Variants in GFOD1 observed in about 807,000 individuals in gnomAD.
GFOD1 encodes Gfo/Idh/MocA-like oxidoreductase domain containing 1.
Under a neutral mutation model 25.4 loss-of-function variants are expected in GFOD1, and 9 were observed. The observed-to-expected ratio is 0.35, with a 90% CI of 0.21 to 0.62. The LOEUF (loss-of-function observed/expected upper bound fraction) is 0.62. Among genes scored for constraint, GFOD1 ranks in the 20% least tolerant of loss-of-function variants. The pLI is 0.72. For synonymous variants in GFOD1, 253 were observed against 245.6 expected (o/e 1.03, Z -0.28); for missense variants, 403 against 556.9 (o/e 0.72, Z 2.78).
At position 13,364,414 on chromosome 6, in the gene GFOD1, G is replaced by T. The variant is rs776294951; in HGVS notation, c.*329C>A. On this transcript the variant is annotated 3_prime_UTR_variant, in exon 2 of 2. Coordinates refer to ENST00000379287, the MANE Select transcript of GFOD1 (RefSeq NM_018988.4). The surrounding 1 kb of genome is among the most constrained non-coding windows in gnomAD (Gnocchi z 4.1). ...CAAGGTGTGTGGGATGGATGAGGTA[G>T]GGAGGGAAGCAACCCCTCCTTGCTT... The T allele has an allele frequency of 1.9e-5, 6 of 312,838 alleles. No homozygotes were observed. Among genetic ancestry groups the T allele is most frequent in the South Asian group, 5.0e-5 (1 of 19,886 alleles). The allele number at this position is 312,838 out of a possible 1,614,324, so 19.4% of individuals were successfully genotyped here.
chr6:13,383,034 G>A (rs556326714), intron 1 of GFOD1, among the ~76,000 whole-genome samples: 5 of 152,336 alleles, frequency 3.3e-5, no homozygotes, highest in African/African-American at 1.2e-4. Flanking sequence ...ATTCGAAGGT[G>A]TATATGTACC....
In GFOD1 at chr6:13,437,867, A is replaced by T. The variant is rs74336680; in HGVS notation, c.253+48771T>A. Among the ~76,000 whole-genome samples, 1,130 of 152,374 alleles carry T rather than the reference A, an allele frequency of 7.4e-3. 14 individuals carry two copies. The highest frequency in any genetic ancestry group is 0.026 in the African/African-American group (1,078 of 41,600). On this transcript the variant is annotated intron_variant, in intron 1 of 1. Transcript: ENST00000379287. ...TTTACTCATTCTTTGTTCAGCAAAC[A>T]TCTATTTCAGCTATGCTGTGCTGGG...
chr6:13,375,052 C>T (rs61533038), intron 1 of GFOD1, among the ~76,000 whole-genome samples: 4,252 of 152,212 alleles, frequency 0.028, 159 homozygotes, highest in African/African-American at 0.09. Flanking sequence ...CCAAAGAAAT[C>T]AAATCTTTAT....
chr6:13,455,582 AGCCCACCAGACGCCCTGCTACT>A (rs1758174071), intron 1 of GFOD1, among the ~76,000 whole-genome samples: 2 of 152,232 alleles, frequency 1.3e-5, no homozygotes, highest in Non-Finnish European at 2.9e-5. Context: ...CCAAAACGGT[AGCCCACCAGACGCCCTGCTACT>A]GCCTGTCAGC....
rs767073727 is a variant in GFOD1, at chr6:13,470,649, A to G, written c.253+15989T>C. ...CCTGGTTCTGTTGGAAAGGGAGAAG[A>G]GACAGAGAAGAGGAACACATCTCAT... On this transcript the variant is annotated intron_variant, in intron 1 of 1. Coordinates refer to ENST00000379287, the MANE Select transcript of GFOD1 (RefSeq NM_018988.4). The G allele has an allele frequency of 6.2e-6, 9 of 1,451,424 alleles. No individual in the cohort carries two copies. In the South Asian group the frequency reaches 1.0e-4, roughly 17 times the overall value. The allele number at this position is 1,451,424 out of a possible 1,614,324, so 89.9% of individuals were successfully genotyped here.
intron 1 of GFOD1, among the ~76,000 whole-genome samples, chr6:13,429,121 C>T (rs1478800715): frequency 1.3e-5 from 2 of 152,158 alleles, no homozygotes; most frequent in Non-Finnish European, 2.9e-5. Context: ...AAGACCCCAG[C>T]AGAAATCAAG....
chr6:13,401,187 A>G (rs544998194), intron 1 of GFOD1, among the ~76,000 whole-genome samples: 1 of 152,336 alleles, frequency 6.6e-6, no homozygotes. Flanking sequence ...TAAACCCTTA[A>G]AGCACAAAAA....
chr6:13,458,359 G>A (rs879344385), intron 1 of GFOD1, among the ~76,000 whole-genome samples: 18 of 151,962 alleles, frequency 1.2e-4, no homozygotes, highest in Non-Finnish European at 2.4e-4. Flanking sequence ...CTTGTGATCC[G>A]CCCCCGCTTG....
Position 13,374,835 on chromosome 6 carries a change from C to T in GFOD1, c.254-9173G>A, listed in dbSNP as rs1785228249. On this transcript the variant is annotated intron_variant, in intron 1 of 1. Transcript: ENST00000379287. ...TCAGCTTACTGCAACCTCTGCCTCC[C>T]GGGCTCAAGCAATTCTCCTGTCTCA... Among the ~76,000 whole-genome samples, 6 of 150,796 alleles carry T rather than the reference C, an allele frequency of 4.0e-5. No homozygotes were observed. In the South Asian group the frequency reaches 1.3e-3, roughly 32 times the overall value.
At position 13,363,524 on chromosome 6, in the gene GFOD1, C is replaced by A. The variant is rs1372638477; in HGVS notation, c.*1219G>T. 1 of 148,192 alleles carries A rather than the reference C, an allele frequency of 6.7e-6. No individual in the cohort carries two copies. Among genetic ancestry groups the A allele is most frequent in the African/African-American group, 2.5e-5 (1 of 39,796 alleles). The allele number at this position is 148,192 out of a possible 1,614,324, so 9.2% of individuals were successfully genotyped here. Reference sequence around the variant, plus strand: ...CCCCAAATTCTCAGGTGTCAGAATCCTGAAAGCAAATGCTGGAGCTAAGGA... The same window carrying A: ...CCCCAAATTCTCAGGTGTCAGAATCATGAAAGCAAATGCTGGAGCTAAGGA... On this transcript the variant is annotated 3_prime_UTR_variant, in exon 2 of 2. Coordinates refer to ENST00000379287, the MANE Select transcript of GFOD1 (RefSeq NM_018988.4).
intron 1 of GFOD1, among the ~76,000 whole-genome samples, chr6:13,399,301 C>T (rs1372439058): frequency 6.6e-6 from 1 of 152,116 alleles, no homozygotes; most frequent in African/African-American, 2.4e-5. Context: ...GTGCAAGCCA[C>T]GGCACCCAGC....
At chr6:13,413,582 C>A (rs1786115190) in intron 1 of GFOD1, among the ~76,000 whole-genome samples, 1 of 152,142 alleles carries the variant, frequency 6.6e-6, no homozygotes, top group African/African-American at 2.4e-5. Flanking sequence ...CAAGGTAAGC[C>A]AAGAGTGAGG....
chr6:13,365,715 G>A lies in GFOD1; in HGVS notation c.254-53C>T, dbSNP rs1027117129. On this transcript the variant is annotated intron_variant, in intron 1 of 1. Coordinates refer to ENST00000379287, the MANE Select transcript of GFOD1 (RefSeq NM_018988.4). This position sits in a 1 kb window ranked among gnomAD's most constrained non-coding sequence, Gnocchi z 9.2. Reference sequence around the variant, plus strand: ...GCGGGGCAGGACCATGTCCGAGCGCGCGTCCCTGGGTCAGATCTTAAAATA... The same window carrying A: ...GCGGGGCAGGACCATGTCCGAGCGCACGTCCCTGGGTCAGATCTTAAAATA... The A allele has an allele frequency of 1.2e-5, 15 of 1,231,382 alleles. No homozygotes were observed. The highest frequency in any genetic ancestry group is 2.3e-5 in the East Asian group (1 of 42,840). The allele number at this position is 1,231,382 out of a possible 1,614,324, so 76.3% of individuals were successfully genotyped here. A position where few individuals can be genotyped will look rare whatever the true frequency, so the allele number is the denominator to read the frequency against.
At position 13,486,902 on chromosome 6, in the gene GFOD1, G is replaced by C; in HGVS notation, c.-12C>G. 6.2e-7 allele frequency: 1 copy of C among 1,605,934 alleles called. No individual in the cohort carries two copies. The highest frequency in any genetic ancestry group is 8.5e-7 in the Non-Finnish European group (1 of 1,179,414). On this transcript the variant is annotated 5_prime_UTR_variant, in exon 1 of 2. Transcript: ENST00000379287. ...ACCCCGGGAAGCATGGCTGCTCAGA[G>C]CCGCCTGGTTCTGCTTCTGCTCGGA...
At chr6:13,407,926 C>G (rs567144622) in intron 1 of GFOD1, 13 of 982,802 alleles carry the variant, frequency 1.3e-5, no homozygotes, top group Non-Finnish European at 1.6e-5. Context: ...AACTGACTCT[C>G]GGAGATTGCC....
chr6:13,459,825 G>A (rs1263613358), intron 1 of GFOD1, among the ~76,000 whole-genome samples: 5 of 152,148 alleles, frequency 3.3e-5, no homozygotes, highest in African/African-American at 4.8e-5. Context: ...AGTCAGAATG[G>A]TGATTATTAA....
intron 1 of GFOD1, among the ~76,000 whole-genome samples, chr6:13,458,017 A>G (rs570327901): frequency 8.5e-5 from 13 of 152,216 alleles, no homozygotes; most frequent in Non-Finnish European, 1.5e-4. Flanking sequence ...TGAACTAATG[A>G]CAATTAAAAT....
rs1758890739 is a variant in GFOD1 at position 13,487,118 on chromosome 6, G to A, written c.-228C>T. 1 of 496,838 alleles carries A rather than the reference G, an allele frequency of 2.0e-6. No individual in the cohort carries two copies. The highest frequency in any genetic ancestry group is 3.5e-6 in the Non-Finnish European group (1 of 288,260). The allele number at this position is 496,838 out of a possible 1,614,324, so 30.8% of individuals were successfully genotyped here. A position where few individuals can be genotyped will look rare whatever the true frequency, so the allele number is the denominator to read the frequency against. The stretch of plus-strand genomic sequence containing the variant: ...TGACTGCGGCAGTGTCCGCCACGCG[G>A]GGCTCGCGTCCTTCCCGGAGTCGGC... On this transcript the variant is annotated 5_prime_UTR_variant, in exon 1 of 2. Transcript: ENST00000379287. The surrounding 1 kb of genome is among the most constrained non-coding windows in gnomAD (Gnocchi z 4.9).
intron 1 of GFOD1, among the ~76,000 whole-genome samples, chr6:13,379,603 A>T (rs1374291629): frequency 6.6e-6 from 1 of 152,206 alleles, no homozygotes; most frequent in Non-Finnish European, 1.5e-5. Flanking sequence ...TGCAGCTGCC[A>T]AGCCTTTCTT....
Sources: allele counts gnomAD v4.1 joint callset (sites outside exome capture counted in the v4.1 genomes callset), GRCh38; gene constraint gnomAD v4.1.1; non-coding constraint Gnocchi (gnomAD v3.1); transcripts MANE v1.5; gene names NCBI Gene and HGNC (gene_info 2026-07-23, HGNC 2026-07-21).